Variants in PRPSAP2 observed in about 807,000 individuals in gnomAD.
PRPSAP2 encodes phosphoribosyl pyrophosphate synthase-associated protein 2.
In PRPSAP2, 24 loss-of-function variants were observed where a neutral mutation model predicts 40.6. That is an observed-to-expected ratio of 0.59 (90% CI 0.43 to 0.83). The LOEUF (loss-of-function observed/expected upper bound fraction) is 0.83. Among genes scored for constraint, PRPSAP2 ranks in the 40% least tolerant of loss-of-function variants. The pLI, the probability that PRPSAP2 is intolerant of heterozygous loss-of-function variation, is 0.00. For missense variants in PRPSAP2, 292 were observed against 465.6 expected (o/e 0.63, Z 3.43); for synonymous variants, 149 against 164.7 (o/e 0.90, Z 0.73).
chr17:18,864,829 G>A (rs971842966), intron 1 of PRPSAP2: 1 of 152,042 alleles, frequency 6.6e-6, no homozygotes, highest in African/African-American at 2.4e-5. Context: ...ATTATGTGAT[G>A]AGGACACTCA....
chr17:18,887,760 T>C (rs1279330981), intron 7 of PRPSAP2, among the ~76,000 whole-genome samples: 1 of 152,200 alleles, frequency 6.6e-6, no homozygotes, highest in Non-Finnish European at 1.5e-5. Context: ...GCCAGCCAGC[T>C]ACTGGGTTTC....
chr17:18,901,508 T>G (rs946941889), intron 8 of PRPSAP2, among the ~76,000 whole-genome samples: 11 of 151,924 alleles, frequency 7.2e-5, no homozygotes, highest in Non-Finnish European at 1.2e-4. Flanking sequence ...GCCTCCCGAG[T>G]AGCTGGGACT....
chr17:18,857,494 A>T (rs2036656596), upstream of PRPSAP2, among the ~76,000 whole-genome samples: 1 of 149,316 alleles, frequency 6.7e-6, no homozygotes, highest in Admixed American at 6.7e-5. Context: ...GCTCACTGCA[A>T]CCTCTGCCTC....
intron 4 of PRPSAP2, among the ~76,000 whole-genome samples, chr17:18,871,653 C>CTTTTTTTTT (rs142523345): frequency 3.9e-5 from 5 of 129,784 alleles, no homozygotes; most frequent in African/African-American, 5.6e-5. Flanking sequence ...ATATAATTTT[C>CTTTTTTTTT]TTTTTTTTTT....
At chr17:18,907,872 C>T (rs76595247) in intron 8 of PRPSAP2, among the ~76,000 whole-genome samples, 4 of 152,274 alleles carry the variant, frequency 2.6e-5, no homozygotes, top group East Asian at 1.9e-4. Flanking sequence ...CGCGGTGGCT[C>T]ATGCCTGTAT....
chr17:18,914,351 G>A (rs1176679299), intron 9 of PRPSAP2, among the ~76,000 whole-genome samples: 16 of 144,256 alleles, frequency 1.1e-4, no homozygotes, highest in South Asian at 6.7e-4. Flanking sequence ...TCCACCTCCC[G>A]GGCCCAAGCC....
intron 4 of PRPSAP2, among the ~76,000 whole-genome samples, chr17:18,872,107 A>G (rs926808425): frequency 4.6e-5 from 7 of 152,068 alleles, no homozygotes; most frequent in Non-Finnish European, 4.4e-5. Context: ...TGTCTCTACT[A>G]AAAAAATACA....
At chr17:18,893,768 C>T (rs2039733512) in intron 8 of PRPSAP2, among the ~76,000 whole-genome samples, 1 of 152,112 alleles carries the variant, frequency 6.6e-6, no homozygotes, top group East Asian at 1.9e-4. Context: ...GCCATGTTGG[C>T]CAGACTGGTC....
chr17:18,860,408 A>C (rs2036919193), intron 1 of PRPSAP2: 1 of 152,156 alleles, frequency 6.6e-6, no homozygotes, highest in Non-Finnish European at 1.5e-5. Flanking sequence ...TCATTTGTTA[A>C]TCATTGTGAC....
Position 18,903,203 on chromosome 17 carries a change from G to A in PRPSAP2, c.585-7900G>A, listed in dbSNP as rs1245103622. On this transcript the variant is annotated intron_variant, in intron 8 of 11. Transcript: ENST00000268835. ...AGCACTTTGGGAGGCCGAGATGGGT[G>A]GATCTCCTGAGGTCAGGAGAATTGC... Among the ~76,000 whole-genome samples, 645 of 146,132 alleles carry A rather than the reference G, an allele frequency of 4.4e-3. 17 individuals carry two copies. The highest frequency in any genetic ancestry group is 0.016 in the African/African-American group (619 of 37,980).
chr17:18,872,591 G>A lies in PRPSAP2; in HGVS notation c.181G>A (p.Val61Ile). ...TTTCCTTTTCCTGCCAGAAACAAGA[G>A]TACAAATTCAAGAGTCTGTGAGGGG... is the stretch of plus-strand genomic sequence containing the variant. Reference protein sequence around the residue: ...VYQEPNRETRVQIQESVRGKD... With the variant: ...VYQEPNRETRIQIQESVRGKD... Residue 61 changes from valine to isoleucine, a missense_variant, in exon 5 of 12, where the codon GTA (valine) becomes ATA (isoleucine). This residue lies in a region of PRPSAP2 where 241 missense variants were observed against 425.7 expected (regional missense o/e 0.57). Transcript: ENST00000268835. The A allele has an allele frequency of 6.3e-7, 1 of 1,587,946 alleles. No individual in the cohort carries two copies. Among genetic ancestry groups the A allele is most frequent in the South Asian group, 1.1e-5 (1 of 89,910 alleles).
chr17:18,866,946 C>G (rs1466604696), intron 3 of PRPSAP2, among the ~76,000 whole-genome samples: 1 of 151,900 alleles, frequency 6.6e-6, no homozygotes, highest in Non-Finnish European at 1.5e-5. Flanking sequence ...GCAGAACCCC[C>G]CCAAGCAGAG....
intron 4 of PRPSAP2, among the ~76,000 whole-genome samples, chr17:18,869,676 A>ATT (rs35312271): frequency 7.2e-6 from 1 of 138,108 alleles, no homozygotes; most frequent in Non-Finnish European, 1.6e-5. Flanking sequence ...CCCAGCCATA[A>ATT]TTTTTTTTTT....
chr17:18,929,358 A>AAAAAATAAT (rs1555566539), intron 11 of PRPSAP2, among the ~76,000 whole-genome samples: 1 of 144,770 alleles, frequency 6.9e-6, no homozygotes, highest in South Asian at 2.2e-4. Context: ...CTCTTGTCTC[A>AAAAAATAAT]AATAATAATA....
rs192071211 is a variant in PRPSAP2 at position 18,912,449 on chromosome 17, G to A, written c.733+1198G>A. On this transcript the variant is annotated intron_variant, in intron 9 of 11. Coordinates refer to ENST00000268835, the MANE Select transcript of PRPSAP2 (RefSeq NM_002767.4). Reference sequence around the variant, plus strand: ...AATTCAGACCATAGCATTTTGCCCCGGCCCCTCAAAATTCATGTTCATCTT... The same window carrying A: ...AATTCAGACCATAGCATTTTGCCCCAGCCCCTCAAAATTCATGTTCATCTT... 7.2e-5 allele frequency among the ~76,000 whole-genome samples: 11 copies of A among 152,152 alleles called. No homozygotes were observed. In the East Asian group the frequency reaches 1.7e-3, roughly 24 times the overall value.
In PRPSAP2 at chr17:18,877,805, A is replaced by G. The variant is rs1292425849; in HGVS notation, c.347A>G (p.Gln116Arg). The G allele has an allele frequency of 6.2e-7, 1 of 1,613,938 alleles. No homozygotes were observed. The highest frequency in any genetic ancestry group is 8.5e-7 in the Non-Finnish European group (1 of 1,179,846). Residue 116 changes from glutamine to arginine, a missense_variant, in exon 6 of 12, where the codon CAG (glutamine) becomes CGG (arginine). Gln to Arg is a conservative substitution (Grantham distance 43). Transcript: ENST00000268835. The stretch of plus-strand genomic sequence containing the variant: ...ATACCCTACTTTCCTTACAGCAAGC[A>G]GTGCAAGATGAGAAAAAGAGGCTCC... Reference protein sequence around the residue: ...GVIPYFPYSKQCKMRKRGSIV... With the variant: ...GVIPYFPYSKRCKMRKRGSIV...
chr17:18,867,524 G>C (rs2037523230), intron 4 of PRPSAP2, among the ~76,000 whole-genome samples, 190 bp downstream of exon 4: 1 of 152,158 alleles, frequency 6.6e-6, no homozygotes, highest in Non-Finnish European at 1.5e-5. Context: ...TCTAACCCTG[G>C]TGCAAGTCAT....
At chr17:18,914,586 C>T (rs753876733) in intron 9 of PRPSAP2, among the ~76,000 whole-genome samples, 5 of 152,136 alleles carry the variant, frequency 3.3e-5, no homozygotes, top group Middle Eastern at 6.8e-3. Context: ...TACAAGATGG[C>T]CAGGCTGATA....
Position 18,893,853 on chromosome 17 carries a change from C to T in PRPSAP2, c.584+3976C>T, listed in dbSNP as rs187162246. Among the ~76,000 whole-genome samples the T allele has an allele frequency of 4.4e-3, 666 of 152,242 alleles. 3 individuals are homozygous for T. The highest frequency in any genetic ancestry group is 0.014 in the African/African-American group (568 of 41,538). Reference sequence around the variant, plus strand: ...TATTGGGATTACAGGCATGAGCCACCGCACCCAGCCACCATAGCTTTTTAA... The same window carrying T: ...TATTGGGATTACAGGCATGAGCCACTGCACCCAGCCACCATAGCTTTTTAA... On this transcript the variant is annotated intron_variant, in intron 8 of 11. Coordinates refer to ENST00000268835, the MANE Select transcript of PRPSAP2 (RefSeq NM_002767.4).
Sources: gnomAD v4.1 joint callset for allele counts (sites outside exome capture counted in the v4.1 genomes callset) on GRCh38, gnomAD v4.1.1 for gene constraint, gnomAD v4.1.1 regional missense constraint, MANE v1.5 for transcripts, NCBI Gene and HGNC (gene_info 2026-07-23, HGNC 2026-07-21) for gene names.